Variants in ASAP1 observed in about 807,000 individuals in gnomAD.
ASAP1 encodes the protein ArfGAP with SH3 domain, ankyrin repeat and PH domain 1, also known as arf-GAP with SH3 domain, ANK repeat and PH domain-containing protein 1.
Under a neutral mutation model 145.2 loss-of-function variants are expected in ASAP1, and 43 were observed. The ratio of observed to expected loss-of-function variants is 0.30; its 90% CI spans 0.23 to 0.38. The LOEUF is 0.38. Among genes scored for constraint, ASAP1 ranks in the 10% least tolerant of loss-of-function variants. The pLI is 1.00. For synonymous variants in ASAP1, 546 were observed against 515.5 expected (o/e 1.06, Z -0.80); for missense variants, 1,018 against 1,355.3 (o/e 0.75, Z 3.91).
At chr8:130,168,917 TA>T in intron 10 of ASAP1, 74 bp downstream of exon 10, 1 of 872,938 alleles carries the variant, frequency 1.1e-6, no homozygotes, top group Non-Finnish European at 1.8e-6. Context: ...AACACCTTTC[TA>T]ATACAGATTT....
intron 10 of ASAP1, among the ~76,000 whole-genome samples, chr8:130,168,003 C>T (rs2097683455): frequency 6.6e-6 from 1 of 152,016 alleles, no homozygotes; most frequent in African/African-American, 2.4e-5. Flanking sequence ...GTCTAATGGG[C>T]CAATGCATAC....
chr8:130,230,126 C>T (rs887466615), intron 4 of ASAP1, among the ~76,000 whole-genome samples: 1 of 151,932 alleles, frequency 6.6e-6, no homozygotes, highest in Non-Finnish European at 1.5e-5. Context: ...AACTAGCGGT[C>T]GTGGGATGAG....
chr8:130,148,930 G>A (rs2097639587), intron 13 of ASAP1, among the ~76,000 whole-genome samples: 1 of 151,810 alleles, frequency 6.6e-6, no homozygotes, highest in Non-Finnish European at 1.5e-5. Flanking sequence ...TGCCTCCCAG[G>A]TTCAAGCGAT....
At chr8:130,106,853 C>T (rs1592813544) in intron 24 of ASAP1, among the ~76,000 whole-genome samples, 1 of 152,172 alleles carries the variant, frequency 6.6e-6, no homozygotes, top group East Asian at 1.9e-4. Flanking sequence ...CCTAGTGGCC[C>T]CAGGGGCACA....
chr8:130,083,239 G>A (rs1013520125), intron 25 of ASAP1: 1 of 152,198 alleles, frequency 6.6e-6, no homozygotes, highest in Admixed American at 6.5e-5. Flanking sequence ...CTCAAAATGA[G>A]TCTCCTTTTT....
intron 12 of ASAP1, among the ~76,000 whole-genome samples, chr8:130,156,849 T>C (rs149325921): frequency 2.4e-4 from 36 of 152,336 alleles, no homozygotes; most frequent in African/African-American, 8.7e-4. Context: ...ACTTTAGGGT[T>C]TGAACTATGC....
chr8:130,166,623 G>A (rs998054217), intron 11 of ASAP1, among the ~76,000 whole-genome samples: 4 of 152,062 alleles, frequency 2.6e-5, no homozygotes, highest in Non-Finnish European at 4.4e-5. Flanking sequence ...TAGGCATGAT[G>A]GATTGTTCAT....
intron 1 of ASAP1, 112 bp from the exon 2 acceptor site, chr8:130,402,082 A>C (rs555684095): frequency 1.5e-6 from 1 of 662,566 alleles, no homozygotes; most frequent in East Asian, 2.7e-5. Flanking sequence ...CTTTGTCAGG[A>C]ATGTTCTTGC....
intron 9 of ASAP1, among the ~76,000 whole-genome samples, chr8:130,178,594 A>G (rs562274299): frequency 8.5e-5 from 13 of 152,280 alleles, no homozygotes; most frequent in African/African-American, 1.2e-4. Flanking sequence ...ATGAAACAAA[A>G]CAAAACTGAA....
At chr8:130,101,297 C>CT (rs2097528320) in intron 24 of ASAP1, among the ~76,000 whole-genome samples, 1 of 152,006 alleles carries the variant, frequency 6.6e-6, no homozygotes. Flanking sequence ...TTTAGGATTG[C>CT]TTTTTTCTGT....
Position 130,066,316 on chromosome 8 carries a change from T to C in ASAP1, c.2702-5247A>G, listed in dbSNP as rs992713095. ...ACAGGCTTGTACTGCTGGTTTCCAC[T>C]GGGTGCTATCAGTTATAGCACAGCC... On this transcript the variant is annotated intron_variant, in intron 27 of 29. Coordinates refer to ENST00000518721, the MANE Select transcript of ASAP1 (RefSeq NM_018482.4). Among the ~76,000 whole-genome samples, 46 of 152,338 alleles carry C rather than the reference T, an allele frequency of 3.0e-4. 1 individual carries two copies. The highest frequency in any genetic ancestry group is 2.8e-3 in the Admixed American group (43 of 15,298).
Position 130,276,390 on chromosome 8 carries a change from T to G in ASAP1, c.187-39396A>C, listed in dbSNP as rs142281320. On this transcript the variant is annotated intron_variant, in intron 3 of 29. Transcript: ENST00000518721. ...CCCAGATCACACTGTAAACAAGTGCTAACAAGGACTGTAACTCTTAACTAT... is the reference window on the plus strand; with the variant it reads ...CCCAGATCACACTGTAAACAAGTGCGAACAAGGACTGTAACTCTTAACTAT... Among the ~76,000 whole-genome samples the G allele has an allele frequency of 6.1e-3, 928 of 152,326 alleles. 9 individuals are homozygous for G. The highest frequency in any genetic ancestry group is 8.8e-3 in the Non-Finnish European group (597 of 68,030).
At chr8:130,408,396 G>A (rs912757223) in intron 1 of ASAP1, among the ~76,000 whole-genome samples, 1 of 152,178 alleles carries the variant, frequency 6.6e-6, no homozygotes, top group African/African-American at 2.4e-5. Flanking sequence ...GGAAGGGTGA[G>A]TTTGCTCTCT....
intron 13 of ASAP1, among the ~76,000 whole-genome samples, chr8:130,145,427 C>T (rs1293195624): frequency 3.9e-5 from 6 of 152,126 alleles, no homozygotes; most frequent in Non-Finnish European, 8.8e-5. Flanking sequence ...AAGCGATTCT[C>T]CTGCCTCAGC....
At chr8:130,059,484 A>T (rs751336940) in intron 28 of ASAP1, among the ~76,000 whole-genome samples, 2 of 151,864 alleles carry the variant, frequency 1.3e-5, no homozygotes, top group African/African-American at 2.4e-5. Flanking sequence ...TTTTTTTGAG[A>T]CAGGGTCTTG....
intron 11 of ASAP1, chr8:130,160,177 C>G: frequency 1.9e-6 from 1 of 530,446 alleles, no homozygotes; most frequent in Non-Finnish European, 3.4e-6. Context: ...GAGCTGGGGT[C>G]TGGGTCTCTG....
chr8:130,259,247 C>T (rs1339047534), intron 3 of ASAP1, among the ~76,000 whole-genome samples: 1 of 152,132 alleles, frequency 6.6e-6, no homozygotes, highest in African/African-American at 2.4e-5. Context: ...GGGATTTTCC[C>T]CAAAATCTTT....
intron 1 of ASAP1, among the ~76,000 whole-genome samples, chr8:130,417,607 C>A (rs532000165): frequency 6.6e-6 from 1 of 151,074 alleles, no homozygotes. Flanking sequence ...CCCACAAGTC[C>A]TGGCTTCAGG....
At chr8:130,414,069 T>G (rs1011792000) in intron 1 of ASAP1, among the ~76,000 whole-genome samples, 1 of 152,180 alleles carries the variant, frequency 6.6e-6, no homozygotes, top group Non-Finnish European at 1.5e-5. Flanking sequence ...GAGGACTGGA[T>G]AGTGAGTGGC....
Sources: gnomAD v4.1 joint callset for allele counts (sites outside exome capture counted in the v4.1 genomes callset) on GRCh38, gnomAD v4.1.1 for gene constraint, MANE v1.5 for transcripts, NCBI Gene and HGNC (gene_info 2026-07-23, HGNC 2026-07-21) for gene names.